NUDCD3: variants seen among roughly 807,000 people sequenced by gnomAD.
The protein encoded by NUDCD3 is nudC domain-containing protein 3.
NUDCD3 carries 13 observed loss-of-function variants against 39.7 expected under a neutral mutation model. That is an observed-to-expected ratio of 0.33 (90% CI 0.21 to 0.52). NUDCD3 has a LOEUF of 0.52. NUDCD3 is among the 20% of genes least tolerant of loss of function. The pLI is 0.96. For synonymous variants in NUDCD3, 175 were observed against 172.4 expected (o/e 1.02, Z -0.12); for missense variants, 453 against 458.1 (o/e 0.99, Z 0.10).
At chr7:44,414,705 A>T (rs1798989025) in intron 3 of NUDCD3, among the ~76,000 whole-genome samples, 1 of 152,228 alleles carries the variant, frequency 6.6e-6, no homozygotes. Flanking sequence ...ATGTAAATAC[A>T]AAAATAATGC....
At chr7:44,413,242 G>C (rs1282751968) in intron 3 of NUDCD3, 1 of 152,040 alleles carries the variant, frequency 6.6e-6, no homozygotes, top group African/African-American at 2.4e-5. Context: ...CTTGAGCCTA[G>C]GAGTTTAAGA....
rs775070474 is a variant in NUDCD3, at chr7:44,427,555, C to G, written c.642+16G>C. On this transcript the variant is annotated intron_variant, in intron 3 of 5. Transcript: ENST00000355451. Reference sequence around the variant, plus strand: ...CTTGGGTGAAGCCGCCCACCCCTACCCGCCAAGGCCATTACCTGCTTTCCC... The same window carrying G: ...CTTGGGTGAAGCCGCCCACCCCTACGCGCCAAGGCCATTACCTGCTTTCCC... 6.2e-7 allele frequency: 1 copy of G among 1,608,094 alleles called. No homozygotes were observed. Among genetic ancestry groups the G allele is most frequent in the South Asian group, 1.1e-5 (1 of 90,188 alleles).
intron 3 of NUDCD3, among the ~76,000 whole-genome samples, chr7:44,408,523 G>A (rs1475391240): frequency 2.0e-5 from 3 of 152,116 alleles, no homozygotes; most frequent in Non-Finnish European, 4.4e-5. Flanking sequence ...AGAACCCTCA[G>A]GAAAACAAAA....
At chr7:44,414,957 A>G (rs1445683547) in intron 3 of NUDCD3, among the ~76,000 whole-genome samples, 1 of 152,244 alleles carries the variant, frequency 6.6e-6, no homozygotes, top group Non-Finnish European at 1.5e-5. Flanking sequence ...CAAAGATGGC[A>G]GGTCACAACA....
chr7:44,472,773 CA>C (rs1304869461), intron 2 of NUDCD3, among the ~76,000 whole-genome samples: 1 of 151,876 alleles, frequency 6.6e-6, no homozygotes, highest in East Asian at 1.9e-4. Context: ...CAAAGAAAAC[CA>C]AAGAAGAAAA....
chr7:44,413,603 T>C (rs1485959744), intron 3 of NUDCD3, among the ~76,000 whole-genome samples: 1 of 152,226 alleles, frequency 6.6e-6, no homozygotes, highest in Non-Finnish European at 1.5e-5. Context: ...TACACATAGA[T>C]ACTATTTTTC....
intron 2 of NUDCD3, among the ~76,000 whole-genome samples, chr7:44,440,495 T>A (rs1239578908): frequency 3.9e-4 from 18 of 46,586 alleles, no homozygotes; most frequent in East Asian, 7.7e-4. Context: ...CCAGAAAAAT[T>A]GAAAAAAAAA....
At chr7:44,427,788 A>G (rs1446106072) in intron 2 of NUDCD3, 85 bp from the exon 3 acceptor site, 1 of 1,428,924 alleles carries the variant, frequency 7.0e-7, no homozygotes, top group African/African-American at 1.4e-5. Context: ...CCACTCCTAC[A>G]TCCTGGAGAC....
At chr7:44,406,112 C>G (rs535683434) in intron 3 of NUDCD3, among the ~76,000 whole-genome samples, 13 of 152,284 alleles carry the variant, frequency 8.5e-5, no homozygotes, top group African/African-American at 2.9e-4. Flanking sequence ...CAGATAGTTA[C>G]TAAATGAAAG....
At chr7:44,472,502 T>C (rs1800274895) in intron 2 of NUDCD3, among the ~76,000 whole-genome samples, 1 of 152,240 alleles carries the variant, frequency 6.6e-6, no homozygotes, top group Non-Finnish European at 1.5e-5. Context: ...AAATTTAATG[T>C]ATTCTCAATG....
intron 4 of NUDCD3, among the ~76,000 whole-genome samples, chr7:44,397,436 A>C (rs539827376): frequency 1.8e-4 from 27 of 152,274 alleles, no homozygotes; most frequent in Non-Finnish European, 4.0e-4. Flanking sequence ...CCCTACCAGT[A>C]GCACAGAAGA....
At chr7:44,422,418 GA>G (rs1301419924) in intron 3 of NUDCD3, among the ~76,000 whole-genome samples, 1 of 151,496 alleles carries the variant, frequency 6.6e-6, no homozygotes, top group Non-Finnish European at 1.5e-5. Context: ...AAGAAGATAA[GA>G]ATCAAATATA....
Position 44,385,990 on chromosome 7 carries a change from G to A in NUDCD3, c.*21C>T, listed in dbSNP as rs915847064. 7.9e-7 allele frequency: 1 copy of A among 1,258,668 alleles called. No individual in the cohort carries two copies. Among genetic ancestry groups the A allele is most frequent in the Non-Finnish European group, 1.2e-6 (1 of 855,860 alleles). 78.0% of individuals were successfully genotyped at this position (1,258,668 alleles called of 1,614,324 possible). A position where few individuals can be genotyped will look rare whatever the true frequency, so the allele number is the denominator to read the frequency against. ...AAGGCTCTGCCTCCCCACCGGCGAG[G>A]GTTTCCTTTCCTTCTGGTCATTAAA... On this transcript the variant is annotated 3_prime_UTR_variant, in exon 6 of 6. Coordinates refer to ENST00000355451, the MANE Select transcript of NUDCD3 (RefSeq NM_015332.4).
intron 3 of NUDCD3, among the ~76,000 whole-genome samples, chr7:44,420,978 G>T (rs910811945): frequency 1.3e-5 from 2 of 152,188 alleles, no homozygotes; most frequent in African/African-American, 4.8e-5. Flanking sequence ...CATGATGACA[G>T]AATCAAATTC....
At chr7:44,475,964 G>A (rs181724599) in intron 2 of NUDCD3, among the ~76,000 whole-genome samples, 55 of 152,160 alleles carry the variant, frequency 3.6e-4, no homozygotes, top group Admixed American at 3.4e-3. Context: ...AACGATAATA[G>A]CTAGTATCTA....
chr7:44,415,073 G>T (rs1382902018), intron 3 of NUDCD3, among the ~76,000 whole-genome samples: 1 of 152,206 alleles, frequency 6.6e-6, no homozygotes, highest in Non-Finnish European at 1.5e-5. Flanking sequence ...GACTTCATTT[G>T]CAATAAGGCC....
chr7:44,481,563 C>G (rs1232053925), intron 2 of NUDCD3: 1 of 152,208 alleles, frequency 6.6e-6, no homozygotes, highest in East Asian at 1.9e-4. Context: ...GACTGAATAA[C>G]CAGGACTGTA....
intron 2 of NUDCD3, among the ~76,000 whole-genome samples, chr7:44,472,933 G>A (rs564644610): frequency 1.7e-4 from 26 of 152,216 alleles, no homozygotes; most frequent in Admixed American, 1.1e-3. Context: ...AATTACAAAC[G>A]CCATACCCTT....
intron 2 of NUDCD3, among the ~76,000 whole-genome samples, chr7:44,453,500 A>T (rs1799833666): frequency 6.6e-6 from 1 of 152,210 alleles, no homozygotes; most frequent in Non-Finnish European, 1.5e-5. Context: ...CATTTTTAAG[A>T]ATTTTTTTCT....
Sources: gnomAD v4.1 joint callset for allele counts (sites outside exome capture counted in the v4.1 genomes callset) on GRCh38, gnomAD v4.1.1 for gene constraint, MANE v1.5 for transcripts, NCBI Gene and HGNC (gene_info 2026-07-23, HGNC 2026-07-21) for gene names.